The following SATL1 variants were observed in gnomAD, a reference collection of about 807,000 sequenced individuals.
SATL1 encodes the protein spermidine/spermine N1-acetyl transferase like 1, also known as spermidine/spermine N(1)-acetyltransferase-like protein 1.
A neutral mutation model predicts 51.8 loss-of-function variants in SATL1; 47 were observed. The observed-to-expected ratio is 0.91, with a 90% confidence interval of 0.72 to 1.16. SATL1 has a LOEUF of 1.16. Among genes scored for constraint, SATL1 ranks in the 50% most tolerant of loss-of-function variants. SATL1 has a pLI of 0.00. For missense variants in SATL1, 520 were observed against 526.4 expected, an observed-to-expected ratio of 0.99 and a Z score of 0.12; for synonymous variants, 176 against 182.4, an observed-to-expected ratio of 0.97 and a Z score of 0.28.
At chrX:85,227,552 A>C (rs1983227578) in intron 1 of SATL1, among the ~76,000 whole-genome samples, 2 of 111,920 alleles carry the variant, frequency 1.8e-5, no homozygotes, top group Admixed American at 9.5e-5. Context: ...TGCAAACGTT[A>C]TATCCAGATC....
At chrX:85,171,926 G>A (rs922767250) in intron 2 of SATL1, among the ~76,000 whole-genome samples, 4 of 111,387 alleles carry the variant, frequency 3.6e-5, no homozygotes, top group Non-Finnish European at 5.7e-5. Context: ...TAATGACAAC[G>A]TCTAGTAGTG....
chrX:85,228,304 A>G (rs1928315107), intron 1 of SATL1, among the ~76,000 whole-genome samples: 3 of 110,996 alleles, frequency 2.7e-5, no homozygotes, highest in Non-Finnish European at 5.7e-5. Flanking sequence ...CCTTCTCCCT[A>G]TTCAAAGATG....
intron 7 of SATL1, 131 bp from the exon 8 acceptor site, chrX:85,092,692 C>T (rs2147676741): frequency 1.6e-6 from 1 of 615,912 alleles, no homozygotes; most frequent in East Asian, 3.6e-5. Context: ...ATAGTAGTTA[C>T]CTTTTGAACT....
rs369854203 is a variant in SATL1, at chrX:85,160,940, C to T, written c.-312-51660G>A. Among the ~76,000 whole-genome samples, 14 of 111,259 alleles carry T rather than the reference C, an allele frequency of 1.3e-4. No individual in the cohort carries two copies. In the East Asian group the frequency reaches 3.1e-3, roughly 25 times the overall value. The stretch of plus-strand genomic sequence containing the variant: ...GCAGCTGGAGAGAAAGGTCAGGCCA[C>T]GTACATCAGACTAACAGTGGAACTC... On this transcript the variant is annotated intron_variant, in intron 2 of 7. Transcript: ENST00000644105.
chrX:85,200,670 C>A (rs1014259961), intron 2 of SATL1, among the ~76,000 whole-genome samples: 3 of 111,154 alleles, frequency 2.7e-5, no homozygotes, highest in Non-Finnish European at 1.9e-5. Context: ...ATCACTAATT[C>A]ACAAAGGAAT....
At chrX:85,238,929 T>C (rs1928531908) in intron 1 of SATL1, among the ~76,000 whole-genome samples, 1 of 110,757 alleles carries the variant, frequency 9.0e-6, no homozygotes, top group Admixed American at 9.6e-5. Context: ...TGGTGATTCT[T>C]AGGGGCTGGG....
intron 2 of SATL1, among the ~76,000 whole-genome samples, chrX:85,139,229 C>T (rs1438237732): frequency 9.0e-6 from 1 of 111,351 alleles, no homozygotes; most frequent in Non-Finnish European, 1.9e-5. Flanking sequence ...TCTATAATAA[C>T]AGCTAATACT....
At chrX:85,130,226 A>G (rs887359521) in intron 2 of SATL1, among the ~76,000 whole-genome samples, 21 of 111,817 alleles carry the variant, frequency 1.9e-4, no homozygotes, top group Non-Finnish European at 3.9e-4. Flanking sequence ...GAATGGTGCC[A>G]GCTCCTCTTT....
Position 85,216,747 on chromosome X carries a change from C to T in SATL1, c.-313+7458G>A, listed in dbSNP as rs142124813. Reference sequence around the variant, plus strand: ...TATTGATATTCCCTATCATTTTCTCCATATTGGCCAGATGCAAGTCACAGG... The same window carrying T: ...TATTGATATTCCCTATCATTTTCTCTATATTGGCCAGATGCAAGTCACAGG... On this transcript the variant is annotated intron_variant, in intron 2 of 7. Transcript: ENST00000644105. Among the ~76,000 whole-genome samples, 10 of 111,748 alleles carry T rather than the reference C, an allele frequency of 8.9e-5. No individual in the cohort carries two copies. In the East Asian group the frequency reaches 2.8e-3, roughly 32 times the overall value.
rs141517840 is a variant in SATL1, at chrX:85,242,086, G to T, written c.-435+1502C>A. On this transcript the variant is annotated intron_variant, in intron 1 of 7. Transcript: ENST00000644105. ...GATATTAAAGAGGAAGAATTCTCAGGATATTTTCATTGACTAGATGTTTGG... is the reference window on the plus strand; with the variant it reads ...GATATTAAAGAGGAAGAATTCTCAGTATATTTTCATTGACTAGATGTTTGG... Among the ~76,000 whole-genome samples the T allele has an allele frequency of 1.1e-4, 12 of 111,928 alleles. No homozygotes were observed. The East Asian group carries it at 2.8e-3, about 26-fold the overall frequency.
At chrX:85,240,204 A>G (rs1928562494) in intron 1 of SATL1, among the ~76,000 whole-genome samples, 1 of 112,069 alleles carries the variant, frequency 8.9e-6, no homozygotes, top group Admixed American at 9.5e-5. Context: ...TAAGGACACA[A>G]ACAGGTGTTA....
At chrX:85,151,297 G>C (rs760705804) in intron 2 of SATL1, among the ~76,000 whole-genome samples, 36 of 110,621 alleles carry the variant, frequency 3.3e-4, no homozygotes, top group South Asian at 1.2e-3. Flanking sequence ...CTACAAACCG[G>C]TGCTCAAGGA....
In SATL1 at chrX:85,108,085, C is replaced by T; in HGVS notation, c.884G>A (p.Ser295Asn). The part of the protein sequence containing the change: ...EMNQVDMKQP[S>N]MSQAGMRQSG... ...TTGCCTCATGCCAGCTTGGCTCATGCTTGGTTGTTTCATGTCCACTTGGTT... is the reference window on the plus strand; with the variant it reads ...TTGCCTCATGCCAGCTTGGCTCATGTTTGGTTGTTTCATGTCCACTTGGTT... The change falls in exon 3 of 8, where the codon AGC becomes AAC. Residue 295 changes from serine (S) to asparagine (N), a missense_variant. By Grantham distance (46) the Ser-to-Asn change is conservative. This residue lies in a region of SATL1 where 488 missense variants were observed against 474.3 expected (regional missense o/e 1.03). Transcript: ENST00000644105. The T allele has an allele frequency of 8.3e-7, 1 of 1,211,753 alleles. No homozygotes were observed. Among genetic ancestry groups the T allele is most frequent in the Non-Finnish European group, 1.1e-6 (1 of 895,562 alleles).
At chrX:85,220,761 C>G (rs1331585863) in intron 2 of SATL1, among the ~76,000 whole-genome samples, 1 of 101,347 alleles carries the variant, frequency 9.9e-6, no homozygotes, top group African/African-American at 3.6e-5. Context: ...CTTCAGTCAT[C>G]TCTCCTTAAT....
chrX:85,115,809 C>T (rs976650892), intron 2 of SATL1, among the ~76,000 whole-genome samples: 2 of 111,355 alleles, frequency 1.8e-5, no homozygotes, highest in African/African-American at 6.5e-5. Context: ...TTTAGGCTTT[C>T]GCTCTGCCAC....
intron 2 of SATL1, among the ~76,000 whole-genome samples, chrX:85,154,258 G>A (rs1344669215): frequency 9.0e-6 from 1 of 110,765 alleles, no homozygotes; most frequent in African/African-American, 3.3e-5. Flanking sequence ...GTGTGTGTTG[G>A]TTGGGGGTGG....
At chrX:85,166,935 ATGTG>A (rs753194262) in intron 2 of SATL1, among the ~76,000 whole-genome samples, 3,382 of 84,600 alleles carry the variant, frequency 0.04, 167 homozygotes, top group African/African-American at 0.16. Context: ...ATATATATAT[ATGTG>A]TATGTGTGTG....
chrX:85,160,413 C>G (rs1407756142), intron 2 of SATL1, among the ~76,000 whole-genome samples: 1 of 110,241 alleles, frequency 9.1e-6, no homozygotes, highest in Non-Finnish European at 1.9e-5. Flanking sequence ...AAATTGAAAC[C>G]CAATCCAAGA....
At chrX:85,194,064 T>A in intron 2 of SATL1, among the ~76,000 whole-genome samples, 1 of 112,008 alleles carries the variant, frequency 8.9e-6, no homozygotes, top group African/African-American at 3.2e-5. Flanking sequence ...CAAATGGTAG[T>A]TCTGCTTTTA....
Sources: allele counts gnomAD v4.1 joint callset (sites outside exome capture counted in the v4.1 genomes callset), GRCh38; gene constraint gnomAD v4.1.1; regional missense constraint gnomAD v4.1.1; transcripts MANE v1.5; gene names NCBI Gene and HGNC (gene_info 2026-07-23, HGNC 2026-07-21).